The following RERE variants were observed in gnomAD, a reference collection of about 807,000 sequenced individuals.
The protein encoded by RERE is arginine-glutamic acid dipeptide repeats protein.
In RERE, 40 loss-of-function variants were observed where a neutral mutation model predicts 146.1. The observed-to-expected ratio is 0.27, with a 90% CI of 0.21 to 0.36. The LOEUF is 0.36. Among genes scored for constraint, RERE ranks in the 10% least tolerant of loss-of-function variants. The pLI, the probability that RERE is intolerant of heterozygous loss-of-function variation, is 1.00. For missense variants in RERE, 1,933 were observed against 2,138.7 expected (o/e 0.90, Z 1.90); for synonymous variants, 1,003 against 866.0 (o/e 1.16, Z -2.78).
intron 1 of RERE, among the ~76,000 whole-genome samples, chr1:8,701,496 T>C (rs1240158835): frequency 6.6e-6 from 1 of 152,042 alleles, no homozygotes; most frequent in Non-Finnish European, 1.5e-5. Flanking sequence ...AAGACAAAAA[T>C]CTAAACGGCC....
chr1:8,712,048 G>T (rs1438623700), intron 1 of RERE, among the ~76,000 whole-genome samples: 1 of 152,104 alleles, frequency 6.6e-6, no homozygotes, highest in Admixed American at 6.6e-5. Flanking sequence ...ACAGATCCAG[G>T]AACTGCCTGC....
intron 1 of RERE, among the ~76,000 whole-genome samples, chr1:8,766,743 G>A (rs972991044): frequency 6.6e-6 from 1 of 151,978 alleles, no homozygotes; most frequent in African/African-American, 2.4e-5. Flanking sequence ...ATCAAAACAG[G>A]AAAACACAGA....
intron 12 of RERE, among the ~76,000 whole-genome samples, chr1:8,400,951 G>C (rs1643230069): frequency 7.2e-6 from 1 of 139,376 alleles, no homozygotes; most frequent in African/African-American, 2.6e-5. Context: ...CCAGGAGGTT[G>C]AGGCTGCAGT....
chr1:8,469,030 C>CT (rs1457685547), intron 10 of RERE, among the ~76,000 whole-genome samples: 2 of 152,062 alleles, frequency 1.3e-5, no homozygotes, highest in South Asian at 4.1e-4. Context: ...GAGAGAGTTA[C>CT]TTATCATTTT....
At position 8,656,311 on chromosome 1, in the gene RERE, C is replaced by A; in HGVS notation, c.-14G>T. 4 of 1,610,102 alleles carry A rather than the reference C, an allele frequency of 2.5e-6. No homozygotes were observed. Among genetic ancestry groups the A allele is most frequent in the Non-Finnish European group, 3.4e-6 (4 of 1,178,034 alleles). ...GTCCGCTGTCATGATTCGCCACGTG[C>A]CTTCTTCTGTCCTCTCACGGCTAGG... On this transcript the variant is annotated 5_prime_UTR_variant, in exon 2 of 23. Coordinates refer to ENST00000400908, the MANE Select transcript of RERE (RefSeq NM_001042681.2).
chr1:8,805,485 C>T (rs530309474), intron 1 of RERE, among the ~76,000 whole-genome samples: 188 of 152,104 alleles, frequency 1.2e-3, no homozygotes, highest in Non-Finnish European at 2.3e-3. Flanking sequence ...CTCACCTCTA[C>T]TAAAAATACA....
rs1043074557 is a variant in RERE at position 8,360,627 on chromosome 1, A to G, written c.2880T>C (p.Asn960=). 1.3e-6 allele frequency: 2 copies of G among 1,511,444 alleles called. No individual in the cohort carries two copies. Among genetic ancestry groups the G allele is most frequent in the Non-Finnish European group, 1.8e-6 (2 of 1,132,798 alleles). The allele number at this position is 1,511,444 out of a possible 1,614,324, so 93.6% of individuals were successfully genotyped here. A position where few individuals can be genotyped will look rare whatever the true frequency, so the allele number is the denominator to read the frequency against. ...GGGCTGGAGGGGGAGGCAGGTTGGC[A>G]TTCATGGAGAAGGGTGAGGGCCCCG... ...HLSGPSPFSM[N]ANLPPPPALK... is the part of the protein sequence containing the mutation. Residue 960 remains asparagine (N), a synonymous_variant, in exon 18 of 23, where the codon AAT becomes AAC. Coordinates refer to ENST00000400908, the MANE Select transcript of RERE (RefSeq NM_001042681.2).
At chr1:8,542,822 A>T (rs1215620508) in intron 6 of RERE, among the ~76,000 whole-genome samples, 1 of 152,170 alleles carries the variant, frequency 6.6e-6, no homozygotes, top group Non-Finnish European at 1.5e-5. Flanking sequence ...TCCATTTTTT[A>T]AATTAAATAA....
chr1:8,430,883 CA>C (rs1340016502), intron 11 of RERE, among the ~76,000 whole-genome samples: 1 of 152,180 alleles, frequency 6.6e-6, no homozygotes, highest in East Asian at 1.9e-4. Flanking sequence ...GATTCAAGTC[CA>C]GTTCTAACAA....
At chr1:8,600,015 G>T (rs1174478532) in intron 4 of RERE, among the ~76,000 whole-genome samples, 1 of 152,168 alleles carries the variant, frequency 6.6e-6, no homozygotes, top group African/African-American at 2.4e-5. Flanking sequence ...CCAAGGACGG[G>T]GGCTGGGTGG....
At position 8,564,710 on chromosome 1, in the gene RERE, C is replaced by A. The variant is rs1275512026; in HGVS notation, c.523-7187G>T. Among the ~76,000 whole-genome samples, 6 of 152,128 alleles carry A rather than the reference C, an allele frequency of 3.9e-5. No homozygotes were observed. In the East Asian group the frequency reaches 9.6e-4, roughly 24 times the overall value. On this transcript the variant is annotated intron_variant, in intron 4 of 22. Transcript: ENST00000400908. ...TCAGTTTGTCAAAGAGAAGCCTGCA[C>A]TCCCAAGTTTATCACAGTACTATTC...
intron 1 of RERE, among the ~76,000 whole-genome samples, chr1:8,660,687 T>C (rs1001397112): frequency 3.2e-4 from 49 of 152,226 alleles, no homozygotes; most frequent in African/African-American, 1.2e-3. Flanking sequence ...TCCATGCTGA[T>C]GATTCACGCA....
intron 6 of RERE, among the ~76,000 whole-genome samples, chr1:8,549,493 C>A (rs975302321): frequency 2.0e-5 from 3 of 151,808 alleles, no homozygotes; most frequent in African/African-American, 7.3e-5. Flanking sequence ...CAGTGGAATT[C>A]CAATTAATAA....
intron 2 of RERE, among the ~76,000 whole-genome samples, chr1:8,630,324 T>A (rs893714697): frequency 6.6e-6 from 1 of 151,854 alleles, no homozygotes; most frequent in African/African-American, 2.4e-5. Flanking sequence ...ATTCCTCAAC[T>A]CTATAAACAA....
chr1:8,386,017 T>TAA (rs1557603306), intron 12 of RERE, among the ~76,000 whole-genome samples: 1 of 41,042 alleles, frequency 2.4e-5, no homozygotes, highest in African/African-American at 1.1e-4. Context: ...TATATATATA[T>TAA]ATATATTTTT....
In RERE at chr1:8,575,561, A is replaced by ATAT. The variant is rs1337650659; in HGVS notation, c.523-18039_523-18038insATA. ...TATATATATATATATATATATATAT[A>ATAT]TTTTTTTTTTTTTTGGCAGAGACAG... On this transcript the variant is annotated intron_variant, in intron 4 of 22. Transcript: ENST00000400908. Among the ~76,000 whole-genome samples, 173 of 98,640 alleles carry ATAT rather than the reference A, an allele frequency of 1.8e-3. 1 individual carries two copies. The highest frequency in any genetic ancestry group is 6.3e-3 in the Middle Eastern group (1 of 158). 64.7% of individuals were successfully genotyped at this position (98,640 alleles called of 152,430 possible). A position where few individuals can be genotyped will look rare whatever the true frequency, so the allele number is the denominator to read the frequency against.
intron 4 of RERE, among the ~76,000 whole-genome samples, chr1:8,601,801 T>C (rs1428437755): frequency 1.3e-5 from 2 of 150,182 alleles, no homozygotes; most frequent in South Asian, 4.3e-4. Context: ...ACACACATCT[T>C]CTATTAGAGA....
chr1:8,377,268 A>G (rs1053185858), intron 12 of RERE, among the ~76,000 whole-genome samples: 4 of 152,132 alleles, frequency 2.6e-5, no homozygotes, highest in Non-Finnish European at 5.9e-5. Flanking sequence ...CACACACACA[A>G]GGGCCCCCTT....
chr1:8,403,516 C>A (rs1216136942), intron 12 of RERE, among the ~76,000 whole-genome samples: 1 of 151,248 alleles, frequency 6.6e-6, no homozygotes, highest in Non-Finnish European at 1.5e-5. Flanking sequence ...TAGGCGCCCA[C>A]CACCACACCC....
Sources: allele counts gnomAD v4.1 joint callset (sites outside exome capture counted in the v4.1 genomes callset), GRCh38; gene constraint gnomAD v4.1.1; transcripts MANE v1.5; gene names NCBI Gene and HGNC (gene_info 2026-07-23, HGNC 2026-07-21).